Variants in THRB observed in about 807,000 individuals in gnomAD.
THRB encodes nuclear receptor subfamily 1 group A member 2.
A neutral mutation model predicts 47.8 loss-of-function variants in THRB; 12 were observed. The observed-to-expected ratio is 0.25, with a 90% CI of 0.16 to 0.41. THRB has a LOEUF of 0.41. THRB is among the 10% of genes least tolerant of loss of function. THRB has a pLI of 1.00. For missense variants in THRB, 348 were observed against 589.2 expected (o/e 0.59, Z 4.24); for synonymous variants, 218 against 212.2 (o/e 1.03, Z -0.24).
chr3:24,354,861 C>T (rs2063569741), intron 1 of THRB, among the ~76,000 whole-genome samples: 1 of 151,996 alleles, frequency 6.6e-6, no homozygotes, highest in Non-Finnish European at 1.5e-5. Flanking sequence ...GTGGATTTCT[C>T]CATAAATCCA....
chr3:24,475,544 T>TAGAC (rs1233980166), intron 1 of THRB, among the ~76,000 whole-genome samples: 1 of 151,984 alleles, frequency 6.6e-6, no homozygotes, highest in African/African-American at 2.4e-5. Context: ...TATAGATAGA[T>TAGAC]AGATATAGAT....
chr3:24,151,891 C>T (rs1575432450), intron 6 of THRB, among the ~76,000 whole-genome samples: 1 of 152,182 alleles, frequency 6.6e-6, no homozygotes, highest in South Asian at 2.1e-4. Flanking sequence ...AATTTCAGAA[C>T]ATAACTGAAT....
intron 2 of THRB, among the ~76,000 whole-genome samples, chr3:24,316,824 C>G (rs969039372): frequency 6.6e-6 from 1 of 152,108 alleles, no homozygotes; most frequent in South Asian, 2.1e-4. Flanking sequence ...CTCCACCCCC[C>G]AGAACACTTG....
chr3:24,301,982 A>G (rs1576671567), intron 2 of THRB, among the ~76,000 whole-genome samples: 1 of 152,064 alleles, frequency 6.6e-6, no homozygotes, highest in Non-Finnish European at 1.5e-5. Context: ...CAGAGGCTCC[A>G]GGCTGAAACC....
At chr3:24,431,265 C>CT (rs769689940) in intron 1 of THRB, among the ~76,000 whole-genome samples, 51,885 of 104,642 alleles carry the variant, frequency 0.5, 10,670 homozygotes, top group East Asian at 0.62. Context: ...TCTCTCTACA[C>CT]ACACACACAC....
intron 1 of THRB, among the ~76,000 whole-genome samples, chr3:24,489,254 G>C (rs1166352760): frequency 2.0e-5 from 3 of 147,476 alleles, no homozygotes; most frequent in Admixed American, 1.4e-4. Context: ...AAAAAAATAA[G>C]AAAAAAAAAA....
intron 5 of THRB, among the ~76,000 whole-genome samples, chr3:24,173,577 C>G (rs150234271): frequency 1.3e-5 from 2 of 152,302 alleles, no homozygotes; most frequent in Non-Finnish European, 2.9e-5. Flanking sequence ...AGCACAAGCT[C>G]TCTGCTTCCA....
At chr3:24,486,890 C>A (rs1365723532) in intron 1 of THRB, among the ~76,000 whole-genome samples, 1 of 152,080 alleles carries the variant, frequency 6.6e-6, no homozygotes, top group African/African-American at 2.4e-5. Flanking sequence ...GTACTTTATT[C>A]TAGATCTCCA....
At chr3:24,272,687 G>A (rs1313643830) in intron 3 of THRB, among the ~76,000 whole-genome samples, 4 of 152,132 alleles carry the variant, frequency 2.6e-5, no homozygotes, top group African/African-American at 9.7e-5. Flanking sequence ...ATTTCTGGTA[G>A]GATTAGGTCA....
Position 24,118,629 on chromosome 3 carries a change from C to G in THRB, c.*4255G>C, listed in dbSNP as rs957887505. On this transcript the variant is annotated 3_prime_UTR_variant, in exon 11 of 11. Coordinates refer to ENST00000646209, the MANE Select transcript of THRB (RefSeq NM_001354712.2). ...AGGGAGAACCAAAAGAAAGAAGTGG[C>G]ATAATGTCACATCAGCTCATTCATG... The G allele has an allele frequency of 3.3e-5, 5 of 152,622 alleles. No individual in the cohort carries two copies. Among genetic ancestry groups the G allele is most frequent in the African/African-American group, 7.2e-5 (3 of 41,440 alleles). 9.5% of individuals were successfully genotyped at this position (152,622 alleles called of 1,614,324 possible). A position where few individuals can be genotyped will look rare whatever the true frequency, so the allele number is the denominator to read the frequency against.
At chr3:24,145,970 GATTA>G (rs1158792057) in intron 7 of THRB, among the ~76,000 whole-genome samples, 1 of 152,200 alleles carries the variant, frequency 6.6e-6, no homozygotes, top group Non-Finnish European at 1.5e-5. Flanking sequence ...TTTATGATTA[GATTA>G]ATTAAAGTGA....
chr3:24,438,118 T>C lies in THRB; in HGVS notation c.-261+56534A>G, dbSNP rs1023109599. On this transcript the variant is annotated intron_variant, in intron 1 of 10. Coordinates refer to ENST00000646209, the MANE Select transcript of THRB (RefSeq NM_001354712.2). The stretch of plus-strand genomic sequence containing the variant: ...TTTTTATTTTATTATTATTTCACTT[T>C]ATACATACAATTGAGATTAAGAAAG... Among the ~76,000 whole-genome samples, 7 of 151,868 alleles carry C rather than the reference T, an allele frequency of 4.6e-5. No homozygotes were observed. The East Asian group carries it at 1.4e-3, about 30-fold the overall frequency.
chr3:24,228,636 GAA>G (rs11306713), intron 4 of THRB, among the ~76,000 whole-genome samples: 22 of 85,112 alleles, frequency 2.6e-4, no homozygotes, highest in African/African-American at 2.8e-4. Flanking sequence ...ATGTCTCAAA[GAA>G]AAAAAAAAAA....
chr3:24,159,648 G>A (rs1210125423), intron 5 of THRB, among the ~76,000 whole-genome samples: 1 of 152,062 alleles, frequency 6.6e-6, no homozygotes, highest in Non-Finnish European at 1.5e-5. Context: ...CATTAATGCA[G>A]TGGTCCTCGA....
chr3:24,202,538 A>G (rs933240863), intron 4 of THRB, among the ~76,000 whole-genome samples: 1 of 152,190 alleles, frequency 6.6e-6, no homozygotes, highest in Non-Finnish European at 1.5e-5. Context: ...ACTTAAAAAG[A>G]TGGCAAAAAC....
chr3:24,494,051 AT>A (rs1458532130), intron 1 of THRB: 2 of 153,038 alleles, frequency 1.3e-5, no homozygotes, highest in African/African-American at 4.8e-5. Context: ...GGCTAGCGAA[AT>A]CCCCGCCAAG....
At chr3:24,154,739 A>T (rs1368936270) in intron 5 of THRB, among the ~76,000 whole-genome samples, 1 of 152,230 alleles carries the variant, frequency 6.6e-6, no homozygotes, top group African/African-American at 2.4e-5. Flanking sequence ...GTAAAGGCAG[A>T]TGGAATATAC....
chr3:24,213,449 C>G (rs2046264506), intron 4 of THRB, among the ~76,000 whole-genome samples: 1 of 152,176 alleles, frequency 6.6e-6, no homozygotes, highest in Non-Finnish European at 1.5e-5. Context: ...ATGGATAGAA[C>G]TGTCCCTGCC....
At chr3:24,151,951 AT>A (rs2037016446) in intron 6 of THRB, among the ~76,000 whole-genome samples, 2 of 152,194 alleles carry the variant, frequency 1.3e-5, no homozygotes, top group Non-Finnish European at 2.9e-5. Flanking sequence ...AAATGAGCAT[AT>A]TCACTCAGAC....
Sources: allele counts gnomAD v4.1 joint callset (sites outside exome capture counted in the v4.1 genomes callset), GRCh38; gene constraint gnomAD v4.1.1; transcripts MANE v1.5; gene names NCBI Gene and HGNC (gene_info 2026-07-23, HGNC 2026-07-21).